The following TEK variants were observed in gnomAD, a reference collection of about 807,000 sequenced individuals.
TEK encodes TEK receptor tyrosine kinase, also known as angiopoietin-1 receptor.
TEK carries 43 observed loss-of-function variants against 131.8 expected under a neutral mutation model. The ratio of observed to expected loss-of-function variants is 0.33; its 90% CI spans 0.26 to 0.42. The LOEUF is 0.42. TEK is among the 10% of genes least tolerant of loss of function. The pLI is 1.00. For missense variants in TEK, 1,162 were observed against 1,384.4 expected (o/e 0.84, Z 2.55); for synonymous variants, 580 against 491.6 (o/e 1.18, Z -2.38).
chr9:27,207,547 C>T (rs1825441333), intron 15 of TEK, among the ~76,000 whole-genome samples: 1 of 152,210 alleles, frequency 6.6e-6, no homozygotes, highest in Non-Finnish European at 1.5e-5. Flanking sequence ...GAGAAAGCAG[C>T]ATGACTAGTT....
intron 1 of TEK, among the ~76,000 whole-genome samples, chr9:27,115,775 G>C (rs189374594): frequency 1.3e-4 from 20 of 152,272 alleles, no homozygotes; most frequent in South Asian, 2.1e-4. Flanking sequence ...CTATACAAAG[G>C]GGGTGTGTAT....
intron 11 of TEK, among the ~76,000 whole-genome samples, chr9:27,196,191 T>C (rs1433023756): frequency 6.6e-6 from 1 of 152,262 alleles, no homozygotes; most frequent in Non-Finnish European, 1.5e-5. Flanking sequence ...TCCTTCACCA[T>C]TGTAGACATA....
At chr9:27,147,163 C>T (rs915381423) in intron 1 of TEK, among the ~76,000 whole-genome samples, 1 of 152,142 alleles carries the variant, frequency 6.6e-6, no homozygotes, top group African/African-American at 2.4e-5. Flanking sequence ...GCTATACCAC[C>T]CATTTTAAAT....
chr9:27,150,707 C>A (rs1258292159), intron 1 of TEK, among the ~76,000 whole-genome samples: 1 of 152,174 alleles, frequency 6.6e-6, no homozygotes. Context: ...TCCTGCACCC[C>A]CACTGCCTCA....
At chr9:27,198,621 A>G (rs2131199277) in intron 12 of TEK, among the ~76,000 whole-genome samples, 1 of 152,344 alleles carries the variant, frequency 6.6e-6, no homozygotes, top group Admixed American at 6.5e-5. Context: ...TCCCATCCAG[A>G]ATTAACAACT....
intron 1 of TEK, among the ~76,000 whole-genome samples, chr9:27,124,828 T>C (rs1011338423): frequency 2.0e-5 from 3 of 152,222 alleles, no homozygotes; most frequent in African/African-American, 7.2e-5. Context: ...ACAGTACTAA[T>C]ATTTAATCCA....
intron 16 of TEK, among the ~76,000 whole-genome samples, chr9:27,212,484 G>T (rs1263669483): frequency 6.6e-6 from 1 of 152,098 alleles, no homozygotes; most frequent in South Asian, 2.1e-4. Flanking sequence ...GAATGGAGAG[G>T]GGGTGGGAAG....
At chr9:27,126,541 C>T (rs1821998038) in intron 1 of TEK, among the ~76,000 whole-genome samples, 1 of 152,106 alleles carries the variant, frequency 6.6e-6, no homozygotes. Flanking sequence ...CAAATTTACA[C>T]ATACAGAATC....
chr9:27,172,886 G>GA, intron 5 of TEK, 139 bp downstream of exon 5: 1 of 1,219,122 alleles, frequency 8.2e-7, no homozygotes, highest in Non-Finnish European at 1.2e-6. Context: ...GTGTGAATTA[G>GA]AAAAAGGTGC....
intron 1 of TEK, among the ~76,000 whole-genome samples, chr9:27,137,395 A>T (rs1332455807): frequency 1.3e-5 from 2 of 152,186 alleles, no homozygotes; most frequent in African/African-American, 4.8e-5. Flanking sequence ...TTGATTTTTC[A>T]CATGTAAGGA....
At chr9:27,166,645 C>T (rs1314178819) in intron 2 of TEK, among the ~76,000 whole-genome samples, 1 of 152,152 alleles carries the variant, frequency 6.6e-6, no homozygotes, top group Non-Finnish European at 1.5e-5. Flanking sequence ...TGTTGCAATA[C>T]TAGCTTTATT....
At chr9:27,193,159 C>A (rs1489168824) in intron 11 of TEK, among the ~76,000 whole-genome samples, 1 of 152,136 alleles carries the variant, frequency 6.6e-6, no homozygotes, top group Non-Finnish European at 1.5e-5. Flanking sequence ...CCTGCTCCAC[C>A]CTCCACCTCC....
chr9:27,146,100 G>T (rs977641498), intron 1 of TEK, among the ~76,000 whole-genome samples: 3 of 151,990 alleles, frequency 2.0e-5, no homozygotes, highest in African/African-American at 7.3e-5. Flanking sequence ...ATATTTCAAG[G>T]CTCATGCAAA....
chr9:27,119,474 G>T (rs1821697795), intron 1 of TEK, among the ~76,000 whole-genome samples: 1 of 152,142 alleles, frequency 6.6e-6, no homozygotes, highest in Non-Finnish European at 1.5e-5. Context: ...ATCCACGAGG[G>T]CAGGCAACCC....
chr9:27,167,649 A>G (rs1305648455), intron 2 of TEK, among the ~76,000 whole-genome samples: 2 of 152,248 alleles, frequency 1.3e-5, no homozygotes, highest in African/African-American at 2.4e-5. Flanking sequence ...GCAAGATATT[A>G]GATTCCATCC....
At chr9:27,112,335 T>A (rs1010138852) in intron 1 of TEK, among the ~76,000 whole-genome samples, 3 of 152,182 alleles carry the variant, frequency 2.0e-5, no homozygotes, top group African/African-American at 7.2e-5. Flanking sequence ...CTCAGAAGGC[T>A]AGTGTCAAGT....
At chr9:27,208,719 A>T (rs2131218618) in intron 15 of TEK, among the ~76,000 whole-genome samples, 1 of 152,350 alleles carries the variant, frequency 6.6e-6, no homozygotes, top group South Asian at 2.1e-4. Context: ...GCTAAAATCT[A>T]AAAGATGATA....
rs75216487 is a variant in TEK, at chr9:27,135,438, C to T, written c.53-22393C>T. On this transcript the variant is annotated intron_variant, in intron 1 of 22. Transcript: ENST00000380036. ...TGCAGGGGAAAAAAATCCTGTTTCT[C>T]TTCATTAGTCTCAAAATTTTAGGGA... 8.3e-4 allele frequency among the ~76,000 whole-genome samples: 126 copies of T among 152,152 alleles called. 1 individual carries two copies. In the East Asian group the frequency reaches 0.018, roughly 22 times the overall value.
chr9:27,223,040 G>A (rs189858194), intron 21 of TEK, among the ~76,000 whole-genome samples: 5 of 152,214 alleles, frequency 3.3e-5, no homozygotes, highest in South Asian at 4.2e-4. Context: ...ATTACATAAT[G>A]GTAAAGGGAT....
Sources: gnomAD v4.1 joint callset for allele counts (sites outside exome capture counted in the v4.1 genomes callset) on GRCh38, gnomAD v4.1.1 for gene constraint, MANE v1.5 for transcripts, NCBI Gene and HGNC (gene_info 2026-07-23, HGNC 2026-07-21) for gene names.